The following PTPN12 variants were observed in gnomAD, a reference collection of about 807,000 sequenced individuals.
The protein encoded by PTPN12 is tyrosine-protein phosphatase non-receptor type 12.
Under a neutral mutation model 97.6 loss-of-function variants are expected in PTPN12, and 29 were observed. The observed-to-expected ratio is 0.30, with a 90% CI of 0.22 to 0.41. The LOEUF (loss-of-function observed/expected upper bound fraction) is 0.41. PTPN12 is among the 10% of genes least tolerant of loss of function. The probability of loss-of-function intolerance (pLI) is 1.00; values close to 1 mark genes in which losing one functional copy is unlikely to be tolerated. For synonymous variants in PTPN12, 327 were observed against 300.4 expected (o/e 1.09, Z -0.91); for missense variants, 819 against 926.0 (o/e 0.88, Z 1.50).
At chr7:77,633,950 G>T (rs1291282970) in intron 14 of PTPN12, among the ~76,000 whole-genome samples, 1 of 151,960 alleles carries the variant, frequency 6.6e-6, no homozygotes, top group Admixed American at 6.6e-5. Context: ...TTGAACCCAG[G>T]ATGCAGAGGT....
intron 11 of PTPN12, among the ~76,000 whole-genome samples, chr7:77,613,962 G>GCT (rs888295659): frequency 2.0e-5 from 3 of 152,100 alleles, no homozygotes; most frequent in African/African-American, 7.2e-5. Flanking sequence ...AACAATCAGG[G>GCT]CTCACTGCGC....
chr7:77,562,800 A>G (rs1808058812), intron 1 of PTPN12, among the ~76,000 whole-genome samples: 1 of 152,152 alleles, frequency 6.6e-6, no homozygotes, highest in Non-Finnish European at 1.5e-5. Context: ...ATATGACAAA[A>G]TTTTATTGTC....
chr7:77,570,636 G>A (rs113919362), intron 1 of PTPN12, among the ~76,000 whole-genome samples: 1 of 152,214 alleles, frequency 6.6e-6, no homozygotes, highest in Non-Finnish European at 1.5e-5. Flanking sequence ...GCAGTGTCTT[G>A]TAAGTAATTA....
At chr7:77,621,354 A>G (rs1410979520) in intron 12 of PTPN12, among the ~76,000 whole-genome samples, 4 of 152,118 alleles carry the variant, frequency 2.6e-5, no homozygotes, top group Non-Finnish European at 5.9e-5. Flanking sequence ...TTTTTTAACA[A>G]TTAGAAGGAA....
chr7:77,591,218 A>G (rs950083043), intron 5 of PTPN12, among the ~76,000 whole-genome samples: 6 of 152,204 alleles, frequency 3.9e-5, no homozygotes, highest in African/African-American at 1.4e-4. Context: ...TATAGGTAAT[A>G]ACTCCATTTA....
chr7:77,548,162 G>A (rs1415618955), intron 1 of PTPN12, among the ~76,000 whole-genome samples: 1 of 152,182 alleles, frequency 6.6e-6, no homozygotes, highest in African/African-American at 2.4e-5. Context: ...GACTAGATTA[G>A]TGTTTCTCAT....
chr7:77,562,613 G>A (rs976771972), intron 1 of PTPN12, among the ~76,000 whole-genome samples: 3 of 152,198 alleles, frequency 2.0e-5, no homozygotes, highest in East Asian at 3.9e-4. Context: ...TGGGATTGGC[G>A]GAACATCAGT....
At chr7:77,609,273 C>CTTTT (rs34358650) in intron 9 of PTPN12, among the ~76,000 whole-genome samples, 8 of 126,910 alleles carry the variant, frequency 6.3e-5, no homozygotes, top group Non-Finnish European at 1.1e-4. Context: ...CTCTCTCTCT[C>CTTTT]TTTTTTTTTT....
intron 1 of PTPN12, chr7:77,538,121 C>T (rs1044455343): frequency 1.4e-5 from 14 of 987,900 alleles, no homozygotes; most frequent in Non-Finnish European, 1.7e-5. Context: ...GCACTAACTC[C>T]TGGGATCCCT....
intron 2 of PTPN12, among the ~76,000 whole-genome samples, chr7:77,580,518 T>C (rs984013651): frequency 6.6e-6 from 1 of 152,180 alleles, no homozygotes; most frequent in Non-Finnish European, 1.5e-5. Context: ...AAAGTAACTT[T>C]AATATAGTAT....
chr7:77,562,014 T>A (rs1485547854), intron 1 of PTPN12, among the ~76,000 whole-genome samples: 2 of 151,284 alleles, frequency 1.3e-5, no homozygotes, highest in Non-Finnish European at 2.9e-5. Flanking sequence ...ATGGTCTCGG[T>A]CTCCTGACCT....
chr7:77,592,223 C>A lies in PTPN12; in HGVS notation c.459C>A (p.Asp153Glu). 6.2e-7 allele frequency: 1 copy of A among 1,605,622 alleles called. No individual in the cohort carries two copies. The highest frequency in any genetic ancestry group is 8.5e-7 in the Non-Finnish European group (1 of 1,177,840). ...CERYWPLYGE[D>E]PITFAPFKIS... ...GCTATTGGCCTTTGTATGGAGAAGA[C>A]CCCATAACGTTTGCACCATTTAAAA... The change falls in exon 6 of 18, where the codon GAC (aspartate) becomes GAA (glutamate). Residue 153 changes from aspartate (D) to glutamate (E), a missense_variant. Physicochemically the swap from Asp to Glu is conservative, Grantham distance 45 (BLOSUM62 2). Coordinates refer to ENST00000248594, the MANE Select transcript of PTPN12 (RefSeq NM_002835.4).
intron 1 of PTPN12, among the ~76,000 whole-genome samples, chr7:77,543,405 G>T (rs1224994617): frequency 6.9e-6 from 1 of 145,244 alleles, no homozygotes; most frequent in Admixed American, 6.9e-5. Context: ...TCTTGTCTAT[G>T]TGTATATCCT....
At chr7:77,636,219 A>G (rs1789584565) in intron 15 of PTPN12, among the ~76,000 whole-genome samples, 1 of 152,110 alleles carries the variant, frequency 6.6e-6, no homozygotes, top group Non-Finnish European at 1.5e-5. Context: ...CACTAGGCAC[A>G]TAGTCGCTTC....
chr7:77,639,473 A>G lies in PTPN12; in HGVS notation c.*193A>G. On this transcript the variant is annotated 3_prime_UTR_variant, in exon 18 of 18. Coordinates refer to ENST00000248594, the MANE Select transcript of PTPN12 (RefSeq NM_002835.4). ...AAGTATTACATATGGTTTATTTTGA[A>G]ACTTCAAGTATTATTGCCTTAATGT... is the stretch of plus-strand genomic sequence containing the variant. 1 of 527,156 alleles carries G rather than the reference A, an allele frequency of 1.9e-6. No individual in the cohort carries two copies. The highest frequency in any genetic ancestry group is 3.0e-5 in the South Asian group (1 of 33,356). The allele number at this position is 527,156 out of a possible 1,614,324, so 32.7% of individuals were successfully genotyped here.
chr7:77,571,029 A>C, intron 1 of PTPN12, 49 bp from the exon 2 acceptor site: 1 of 1,292,184 alleles, frequency 7.7e-7, no homozygotes, highest in East Asian at 2.7e-5. Context: ...AAAAATTTGA[A>C]AATATCACTG....
At chr7:77,625,083 C>T (rs1439049815) in intron 12 of PTPN12, among the ~76,000 whole-genome samples, 2 of 151,980 alleles carry the variant, frequency 1.3e-5, no homozygotes, top group Non-Finnish European at 2.9e-5. Flanking sequence ...TCCAATGAGC[C>T]AAGATGGTGC....
intron 2 of PTPN12, among the ~76,000 whole-genome samples, chr7:77,577,879 C>T (rs1331573285): frequency 6.6e-6 from 1 of 152,226 alleles, no homozygotes; most frequent in Admixed American, 6.5e-5. Flanking sequence ...TTTTAATTTG[C>T]TTTCCCCAGC....
rs1554323977 is a variant in PTPN12, at chr7:77,614,075, T to TTTTGTAGAGATG, written c.939+3031_939+3032insTGTAGAGATGTT. Among the ~76,000 whole-genome samples the TTTTGTAGAGATG allele has an allele frequency of 3.9e-3, 592 of 151,164 alleles. 3 individuals carry two copies. Among genetic ancestry groups the TTTTGTAGAGATG allele is most frequent in the African/African-American group, 0.013 (548 of 41,114 alleles). On this transcript the variant is annotated intron_variant, in intron 11 of 17. Coordinates refer to ENST00000248594, the MANE Select transcript of PTPN12 (RefSeq NM_002835.4). Reference sequence around the variant, plus strand: ...CTAGCTAATTAAAAAAAAATTTTTTTTTGTAGAGATGTTGCCAGGTTGGTC... The same window carrying TTTTGTAGAGATG: ...CTAGCTAATTAAAAAAAAATTTTTTTTTTGTAGAGATGTTGTAGAGATGTTGCCAGGTTGGTC...
Sources: allele counts gnomAD v4.1 joint callset (sites outside exome capture counted in the v4.1 genomes callset), GRCh38; gene constraint gnomAD v4.1.1; transcripts MANE v1.5; gene names NCBI Gene and HGNC (gene_info 2026-07-23, HGNC 2026-07-21).